MEF2C: variants seen among roughly 807,000 people sequenced by gnomAD.
MEF2C encodes myocyte enhancer factor 2C.
A neutral mutation model predicts 50.5 loss-of-function variants in MEF2C; 6 were observed. The observed-to-expected ratio is 0.12, with a 90% confidence interval of 0.07 to 0.23. The LOEUF (loss-of-function observed/expected upper bound fraction) is 0.23, where lower values mean the gene tolerates loss of function less well. Ranked by LOEUF, MEF2C falls within the 10% of genes least tolerant of loss-of-function variation. The pLI is 1.00. For missense variants in MEF2C, 276 were observed against 605.0 expected, an observed-to-expected ratio of 0.46 and a Z score of 5.70; for synonymous variants, 183 against 228.0, an observed-to-expected ratio of 0.80 and a Z score of 1.78.
chr5:88,774,549 C>G (rs1446682805), intron 3 of MEF2C, among the ~76,000 whole-genome samples: 1 of 152,094 alleles, frequency 6.6e-6, no homozygotes, highest in Non-Finnish European at 1.5e-5. Flanking sequence ...GTCTCGATCT[C>G]CTGACCTCGT....
chr5:88,751,965 C>G lies in MEF2C; in HGVS notation c.481G>C (p.Val161Leu). 2 of 1,613,954 alleles carry G rather than the reference C, an allele frequency of 1.2e-6. No individual in the cohort carries two copies. The highest frequency in any genetic ancestry group is 1.7e-6 in the Non-Finnish European group (2 of 1,179,876). The change falls in exon 5 of 11, where the codon GTC (valine) becomes CTC (leucine). Residue 161 changes from valine to leucine, a missense_variant. This residue lies in a region of MEF2C where 256 missense variants were observed against 468.1 expected (regional missense o/e 0.55). Coordinates refer to ENST00000504921, the MANE Select transcript of MEF2C (RefSeq NM_002397.5). ...AGGTTGGGGTTTCCCAGTGAGCTGA[C>G]AGGGTTGCTGTACACCAAACTGTTG... is the stretch of plus-strand genomic sequence containing the variant. The part of the protein sequence containing the change: ...SHNSLVYSNP[V>L]SSLGNPNLLP...
At chr5:88,822,868 A>G (rs1371825521) in intron 2 of MEF2C, among the ~76,000 whole-genome samples, 3 of 151,968 alleles carry the variant, frequency 2.0e-5, no homozygotes, top group Non-Finnish European at 4.4e-5. Context: ...GATCCATATG[A>G]GATGGTTGGG....
chr5:88,883,967 T>C (rs1581984496), upstream of MEF2C, among the ~76,000 whole-genome samples: 1 of 152,274 alleles, frequency 6.6e-6, no homozygotes, highest in Admixed American at 6.5e-5. Flanking sequence ...AATCTTTCCA[T>C]TCCTGACATT....
At chr5:88,890,552 A>G (rs546126862) in intron 1 of MEF2C, among the ~76,000 whole-genome samples, 1 of 152,356 alleles carries the variant, frequency 6.6e-6, no homozygotes, top group East Asian at 1.9e-4. Flanking sequence ...CAATAGCCAC[A>G]TGTGGCTAGT....
At chr5:88,839,321 ATC>A (rs71613097) in intron 1 of MEF2C, 46,286 of 141,426 alleles carry the variant, frequency 0.33, 8,192 homozygotes, top group Non-Finnish European at 0.42. Flanking sequence ...ACGCCACATT[ATC>A]TCTCTCTCTC....
intron 1 of MEF2C, among the ~76,000 whole-genome samples, chr5:88,894,873 A>G (rs1834954980): frequency 6.6e-6 from 1 of 152,212 alleles, no homozygotes. Context: ...TAAAATGGGC[A>G]GCGGAGGGTA....
Position 88,727,882 on chromosome 5 carries a change from CAT to C in MEF2C, c.1100+609_1100+610del, listed in dbSNP as rs1193327128. Reference sequence around the variant, plus strand: ...ACAAGAGTCATTTCTATGATAAAGACATATCTGAAAACTACCACAAGGGGGCA... The same window carrying C: ...ACAAGAGTCATTTCTATGATAAAGACATCTGAAAACTACCACAAGGGGGCA... On this transcript the variant is annotated intron_variant, in intron 10 of 10. Coordinates refer to ENST00000504921, the MANE Select transcript of MEF2C (RefSeq NM_002397.5). Among the ~76,000 whole-genome samples the C allele has an allele frequency of 3.9e-5, 6 of 151,924 alleles. No homozygotes were observed. The South Asian group carries it at 8.3e-4, about 21-fold the overall frequency.
At chr5:88,777,395 A>C (rs1785276734) in intron 3 of MEF2C, among the ~76,000 whole-genome samples, 1 of 152,086 alleles carries the variant, frequency 6.6e-6, no homozygotes, top group South Asian at 2.1e-4. Context: ...TTCCACAATG[A>C]CTGCCAATCT....
intron 10 of MEF2C, among the ~76,000 whole-genome samples, chr5:88,726,907 C>T (rs1156346007): frequency 6.6e-6 from 1 of 152,012 alleles, no homozygotes; most frequent in Non-Finnish European, 1.5e-5. Context: ...AAAAAAGCCA[C>T]ATTCAGAGAA....
At chr5:88,775,315 G>A (rs564916562) in intron 3 of MEF2C, among the ~76,000 whole-genome samples, 50 of 152,214 alleles carry the variant, frequency 3.3e-4, no homozygotes, top group Middle Eastern at 6.8e-3. Flanking sequence ...TAATGTGAAG[G>A]ATCCTTTTTC....
At chr5:88,724,848 C>A (rs942903531) in intron 10 of MEF2C, among the ~76,000 whole-genome samples, 1 of 152,026 alleles carries the variant, frequency 6.6e-6, no homozygotes, top group Non-Finnish European at 1.5e-5. Flanking sequence ...GACCATTTCA[C>A]TAAAATTTAA....
At chr5:88,746,818 G>T in intron 6 of MEF2C, 1 of 344,336 alleles carries the variant, frequency 2.9e-6, no homozygotes, top group Non-Finnish European at 4.1e-6. Flanking sequence ...TGCAACAGGT[G>T]TTCCTTGGGA....
chr5:88,850,408 GA>G (rs918993915), intron 1 of MEF2C, among the ~76,000 whole-genome samples: 25 of 152,236 alleles, frequency 1.6e-4, no homozygotes, highest in African/African-American at 5.3e-4. Flanking sequence ...TCTAGGGTTT[GA>G]AGTTACAGGA....
intron 6 of MEF2C, chr5:88,744,253 A>G (rs1768261536): frequency 3.1e-6 from 2 of 652,166 alleles, no homozygotes; most frequent in Non-Finnish European, 3.8e-6. Context: ...TCAGATTAGC[A>G]TGTTAAAAGC....
intron 6 of MEF2C, chr5:88,736,945 T>C (rs1001773210): frequency 5.6e-5 from 55 of 985,024 alleles, no homozygotes; most frequent in Non-Finnish European, 6.4e-5. Context: ...TCCAACTCTT[T>C]CATGATGCCT....
intron 1 of MEF2C, among the ~76,000 whole-genome samples, chr5:88,871,344 A>G (rs1425933318): frequency 2.0e-5 from 3 of 151,842 alleles, no homozygotes; most frequent in Non-Finnish European, 2.9e-5. Context: ...CTTCATGCAG[A>G]CTTATTATTA....
At position 88,730,201 on chromosome 5, in the gene MEF2C, C is replaced by G; in HGVS notation, c.834+10G>C. The G allele has an allele frequency of 6.3e-7, 1 of 1,582,182 alleles. No individual in the cohort carries two copies. Among genetic ancestry groups the G allele is most frequent in the Non-Finnish European group, 8.6e-7 (1 of 1,162,874 alleles). ...ACATGCCATTTGAGGGAAGCGCTCT[C>G]ACCACTTACCAAAAGCAGGTCGACA... is the stretch of plus-strand genomic sequence containing the variant. On this transcript the variant is annotated intron_variant, in intron 8 of 10. Transcript: ENST00000504921.
intron 6 of MEF2C, chr5:88,741,673 T>A (rs1244281098): frequency 1.5e-5 from 15 of 975,924 alleles, no homozygotes; most frequent in Non-Finnish European, 2.4e-6. Context: ...TGTTCTATAT[T>A]AGTATAGCAG....
chr5:88,761,383 C>T, intron 3 of MEF2C, 55 bp from the exon 4 acceptor site: 3 of 1,557,970 alleles, frequency 1.9e-6, no homozygotes, highest in Non-Finnish European at 2.6e-6. Context: ...AAGAGACATT[C>T]AGGGGCATTA....
Sources: allele counts gnomAD v4.1 joint callset (sites outside exome capture counted in the v4.1 genomes callset), GRCh38; gene constraint gnomAD v4.1.1; regional missense constraint gnomAD v4.1.1; transcripts MANE v1.5; gene names NCBI Gene and HGNC (gene_info 2026-07-23, HGNC 2026-07-21).